Variants in FRMPD4 observed in about 807,000 individuals in gnomAD.
FRMPD4 encodes the protein FERM and PDZ domain containing 4, also known as FERM and PDZ domain-containing protein 4.
FRMPD4 carries 22 observed loss-of-function variants against 94.1 expected under a neutral mutation model. That is an observed-to-expected ratio of 0.23 (90% confidence interval 0.17 to 0.33). The LOEUF (loss-of-function observed/expected upper bound fraction) is 0.33, where lower values mean the gene tolerates loss of function less well. Among genes scored for constraint, FRMPD4 ranks in the 10% least tolerant of loss-of-function variants. FRMPD4 has a pLI of 1.00. For missense variants in FRMPD4, 1,111 were observed against 1,339.9 expected (o/e 0.83, Z 2.67); for synonymous variants, 631 against 548.6 (o/e 1.15, Z -2.10).
At chrX:12,479,456 G>GTA (rs1158803862) in intron 1 of FRMPD4, among the ~76,000 whole-genome samples, 556 of 24,592 alleles carry the variant, frequency 0.023, 4 homozygotes, top group East Asian at 0.096. Flanking sequence ...GTATATATAT[G>GTA]TATATATGTA....
intron 1 of FRMPD4, among the ~76,000 whole-genome samples, chrX:12,179,910 G>C (rs992137924): frequency 9.4e-6 from 1 of 105,940 alleles, no homozygotes; most frequent in Non-Finnish European, 1.9e-5. Context: ...TTCTTTCCCA[G>C]AATTCTTTCA....
chrX:12,075,141 G>T (rs1418887844), intron 3 of FRMPD4, among the ~76,000 whole-genome samples: 2 of 112,208 alleles, frequency 1.8e-5, no homozygotes, highest in Non-Finnish European at 3.8e-5. Context: ...GAGCACAGAG[G>T]ATTTTTAGGG....
chrX:12,268,099 C>T (rs937654983), intron 1 of FRMPD4, among the ~76,000 whole-genome samples: 5 of 112,567 alleles, frequency 4.4e-5, no homozygotes, highest in Non-Finnish European at 9.4e-5. Context: ...CCCTCCTCTA[C>T]ATCTGTAGCG....
At chrX:12,684,354 C>T (rs1322505558) in intron 6 of FRMPD4, among the ~76,000 whole-genome samples, 1 of 112,200 alleles carries the variant, frequency 8.9e-6, no homozygotes, top group Non-Finnish European at 1.9e-5. Context: ...TAAAATCTCA[C>T]CTATGATATA....
intron 1 of FRMPD4, among the ~76,000 whole-genome samples, chrX:12,351,501 T>C (rs1054319222): frequency 2.7e-5 from 3 of 112,320 alleles, no homozygotes; most frequent in African/African-American, 9.7e-5. Context: ...CATTTTAAAG[T>C]AAACTTTTTA....
At chrX:12,514,768 A>G (rs2058078873) in intron 2 of FRMPD4, among the ~76,000 whole-genome samples, 1 of 112,058 alleles carries the variant, frequency 8.9e-6, no homozygotes, top group Admixed American at 9.4e-5. Flanking sequence ...AATTGTTTGC[A>G]TTAGTTTCAG....
intron 2 of FRMPD4, among the ~76,000 whole-genome samples, chrX:12,573,103 C>T (rs1371825117): frequency 8.9e-6 from 1 of 111,775 alleles, no homozygotes; most frequent in Non-Finnish European, 1.9e-5. Context: ...TCTAAATATG[C>T]TAAAGAAGTA....
rs746763864 is a variant in FRMPD4, at chrX:12,481,064, CT to C, written c.42-17614del. On this transcript the variant is annotated intron_variant, in intron 1 of 16. Coordinates refer to ENST00000675598, the MANE Select transcript of FRMPD4 (RefSeq NM_001368397.1). ...ACCCAATACCTTTGGGCCAGCCCTT[CT>C]TGCTTCCTCCTTGTTGCCTGGAGGA... Among the ~76,000 whole-genome samples the C allele has an allele frequency of 3.9e-4, 44 of 111,654 alleles. No homozygotes were observed. The South Asian group carries it at 6.5e-3, about 17-fold the overall frequency.
At chrX:12,398,507 G>C (rs776022673) in intron 1 of FRMPD4, among the ~76,000 whole-genome samples, 2 of 111,352 alleles carry the variant, frequency 1.8e-5, no homozygotes, top group African/African-American at 6.5e-5. Flanking sequence ...CATGGTTCTA[G>C]GTTCTGGGTG....
intron 1 of FRMPD4, among the ~76,000 whole-genome samples, chrX:12,459,356 G>A (rs1157010382): frequency 9.1e-6 from 1 of 110,430 alleles, no homozygotes; most frequent in Admixed American, 9.7e-5. Flanking sequence ...TTGCCAATCT[G>A]AAGTGTAATT....
At chrX:12,227,883 A>G (rs2056940934) in intron 1 of FRMPD4, among the ~76,000 whole-genome samples, 1 of 110,560 alleles carries the variant, frequency 9.0e-6, no homozygotes, top group South Asian at 4.0e-4. Context: ...GATTTAAAAG[A>G]CTATTTCTGT....
chrX:12,398,946 T>A (rs1370622841), intron 1 of FRMPD4, among the ~76,000 whole-genome samples: 1 of 111,412 alleles, frequency 9.0e-6, no homozygotes, highest in African/African-American at 3.3e-5. Context: ...ATCTTTAAAG[T>A]TGTATCAGTC....
In FRMPD4 at chrX:11,853,045, A is replaced by G. The variant is rs149266563; in HGVS notation, c.-160-12041A>G. 4.3e-3 allele frequency among the ~76,000 whole-genome samples: 487 copies of G among 112,415 alleles called. 4 individuals carry two copies. Among genetic ancestry groups the G allele is most frequent in the African/African-American group, 0.015 (467 of 30,939 alleles). ...CAAATGCAAAAGTACTGAAATCATA[A>G]CAGTCTCTCAGACCACAGTGCAATC... On this transcript the variant is annotated intron_variant, in intron 1 of 18. Transcript: ENST00000640291.
At chrX:11,955,226 A>T (rs772860648) in intron 3 of FRMPD4, among the ~76,000 whole-genome samples, 10 of 111,090 alleles carry the variant, frequency 9.0e-5, no homozygotes, top group South Asian at 7.7e-4. Flanking sequence ...CTCACCTCCT[A>T]ATATCATCAC....
intron 1 of FRMPD4, among the ~76,000 whole-genome samples, chrX:12,266,161 A>AG (rs2054274131): frequency 1.0e-5 from 1 of 99,935 alleles, no homozygotes; most frequent in Non-Finnish European, 2.0e-5. Context: ...AAAAAAAAAA[A>AG]GAGAAAACAA....
chrX:12,425,595 C>T (rs781649265), intron 1 of FRMPD4, among the ~76,000 whole-genome samples: 54 of 111,919 alleles, frequency 4.8e-4, no homozygotes, highest in Non-Finnish European at 8.5e-4. Context: ...AGACACTTGG[C>T]AATGTCTGGA....
intron 1 of FRMPD4, among the ~76,000 whole-genome samples, chrX:12,358,194 A>T (rs1204324444): frequency 1.8e-5 from 2 of 110,329 alleles, no homozygotes; most frequent in African/African-American, 3.3e-5. Context: ...TGCTGCTATG[A>T]TTTTTTTTTA....
At chrX:12,624,190 G>A (rs1216370057) in intron 4 of FRMPD4, among the ~76,000 whole-genome samples, 1 of 112,307 alleles carries the variant, frequency 8.9e-6, no homozygotes, top group Non-Finnish European at 1.9e-5. Flanking sequence ...AAACATGAAA[G>A]TATAAATCTC....
chrX:12,676,730 A>G (rs2059904875), intron 5 of FRMPD4, among the ~76,000 whole-genome samples: 1 of 112,371 alleles, frequency 8.9e-6, no homozygotes, highest in South Asian at 3.7e-4. Context: ...ATTGATTACT[A>G]TCAGTGAATC....
Sources: gnomAD v4.1 joint callset for allele counts (sites outside exome capture counted in the v4.1 genomes callset) on GRCh38, gnomAD v4.1.1 for gene constraint, MANE v1.5 for transcripts, NCBI Gene and HGNC (gene_info 2026-07-23, HGNC 2026-07-21) for gene names.